AUNIP: variants seen among roughly 807,000 people sequenced by gnomAD.
The protein encoded by AUNIP is aurora kinase A and ninein interacting protein, also known as aurora kinase A- and ninein-interacting protein.
In AUNIP, 16 loss-of-function variants were observed where a neutral mutation model predicts 12.2. The ratio of observed to expected loss-of-function variants is 1.31; its 90% CI spans 0.88 to 1.99. AUNIP has a LOEUF of 1.99. Among genes scored for constraint, AUNIP ranks in the 30% most tolerant of loss-of-function variants. The pLI, the probability that AUNIP is intolerant of heterozygous loss-of-function variation, is 0.00. For synonymous variants in AUNIP, 142 were observed against 154.8 expected, an observed-to-expected ratio of 0.92 and a Z score of 0.61; for missense variants, 411 against 419.1, an observed-to-expected ratio of 0.98 and a Z score of 0.17.
chr1:25,847,868 C>T lies in AUNIP; in HGVS notation c.79-10314G>A, dbSNP rs1381595615. Among the ~76,000 whole-genome samples, 1 of 152,034 alleles carries T rather than the reference C, an allele frequency of 6.6e-6. No homozygotes were observed. The highest frequency in any genetic ancestry group is 1.5e-5 in the Non-Finnish European group (1 of 68,012). On this transcript the variant is annotated intron_variant, in intron 1 of 2. Transcript: ENST00000374298. This position sits in a 1 kb window ranked among gnomAD's most constrained non-coding sequence, Gnocchi z 4.2. ...GCTGAGGTGAGAGAATCGATTGAGCCCGGGAGGCAGAGGTTGCAGTGAGCC... is the reference window on the plus strand; with the variant it reads ...GCTGAGGTGAGAGAATCGATTGAGCTCGGGAGGCAGAGGTTGCAGTGAGCC...
At position 25,834,098 on chromosome 1, in the gene AUNIP, T is replaced by C. The variant is rs1000529224; in HGVS notation, c.*895A>G. The C allele has an allele frequency of 4.1e-6, 4 of 985,230 alleles. No homozygotes were observed. Among genetic ancestry groups the C allele is most frequent in the Non-Finnish European group, 4.8e-6 (4 of 829,860 alleles). The allele number at this position is 985,230 out of a possible 1,614,324, so 61.0% of individuals were successfully genotyped here. On this transcript the variant is annotated 3_prime_UTR_variant, in exon 3 of 3. Transcript: ENST00000374298. ...GGGTAACAGAGTCACATCCAGATTG[T>C]TGTACAGCTCAGGCTTTTTAAGGGA...
At chr1:25,832,133 G>A (rs2048252426), downstream of AUNIP, 1 of 1,590,048 alleles carries the variant, frequency 6.3e-7, no homozygotes, top group Non-Finnish European at 8.5e-7. Context: ...TTCTGCAACA[G>A]TCTTGCTGAC....
intron 1 of AUNIP, among the ~76,000 whole-genome samples, chr1:25,840,207 T>A (rs2048339364): frequency 6.6e-6 from 1 of 151,748 alleles, no homozygotes; most frequent in Admixed American, 6.6e-5. Flanking sequence ...ATGAACATAA[T>A]AAGGTGAGAA....
rs796849394 is a variant in AUNIP at position 25,837,638 on chromosome 1, C to A, written c.79-84G>T. ...AGATTCAGTACACACCAGTGATCCT[C>A]TGAGAACCACACTAGATCCTCTGTA... On this transcript the variant is annotated intron_variant, in intron 1 of 2. Transcript: ENST00000374298. 35 of 1,389,574 alleles carry A rather than the reference C, an allele frequency of 2.5e-5. No homozygotes were observed. In the African/African-American group the frequency reaches 4.6e-4, roughly 18 times the overall value. 86.1% of individuals were successfully genotyped at this position (1,389,574 alleles called of 1,614,324 possible).
chr1:25,837,020 T>C lies in AUNIP; in HGVS notation c.220+393A>G, dbSNP rs1391385931. Among the ~76,000 whole-genome samples the C allele has an allele frequency of 4.6e-5, 7 of 152,166 alleles. No individual in the cohort carries two copies. In the East Asian group the frequency reaches 1.3e-3, roughly 29 times the overall value. On this transcript the variant is annotated intron_variant, in intron 2 of 2. Coordinates refer to ENST00000374298, the MANE Select transcript of AUNIP (RefSeq NM_024037.3). ...AAGCATCTTTGAACCTTTCACTAAT[T>C]TGAGAAGCGTCACACAAAAGTATCA...
chr1:25,854,982 G>GGTCTCAC (rs1335729897), intron 1 of AUNIP, among the ~76,000 whole-genome samples: 1 of 145,080 alleles, frequency 6.9e-6, no homozygotes, highest in African/African-American at 2.6e-5. Flanking sequence ...TTTGAGATGG[G>GGTCTCAC]GTCTCACTCT....
At chr1:25,851,405 C>T (rs578074809) in intron 1 of AUNIP, among the ~76,000 whole-genome samples, 7 of 152,238 alleles carry the variant, frequency 4.6e-5, no homozygotes, top group Admixed American at 3.3e-4. Context: ...AGTGTTCCCT[C>T]CTCTTCTATT....
intron 1 of AUNIP, among the ~76,000 whole-genome samples, chr1:25,850,865 T>A (rs2048420094): frequency 6.6e-6 from 1 of 152,220 alleles, no homozygotes; most frequent in Non-Finnish European, 1.5e-5. Context: ...TCCTTTTTAA[T>A]CTGGGTATCT....
chr1:25,849,326 T>G (rs1045374258), intron 1 of AUNIP, among the ~76,000 whole-genome samples: 1 of 152,214 alleles, frequency 6.6e-6, no homozygotes, highest in African/African-American at 2.4e-5. Flanking sequence ...AGTATACTTA[T>G]GAAGTTGTGT....
rs2124493029 is a variant in AUNIP at position 25,834,834 on chromosome 1, G to A, written c.*159C>T. On this transcript the variant is annotated 3_prime_UTR_variant, in exon 3 of 3. Transcript: ENST00000374298. ...TGCCAATCCCACTGTCTTAACAATG[G>A]TACTGCCCTTTATTTACACAGAGAA... 6.8e-7 allele frequency: 1 copy of A among 1,461,954 alleles called. No homozygotes were observed. Among genetic ancestry groups the A allele is most frequent in the Admixed American group, 2.7e-5 (1 of 37,154 alleles). The allele number at this position is 1,461,954 out of a possible 1,614,324, so 90.6% of individuals were successfully genotyped here. A position where few individuals can be genotyped will look rare whatever the true frequency, so the allele number is the denominator to read the frequency against.
chr1:25,842,611 C>T (rs547342454), intron 1 of AUNIP, among the ~76,000 whole-genome samples: 69 of 152,318 alleles, frequency 4.5e-4, no homozygotes, highest in African/African-American at 1.3e-3. Context: ...CTCGGACTTC[C>T]GTAGCTACAG....
chr1:25,855,215 T>C (rs1407518301), intron 1 of AUNIP, among the ~76,000 whole-genome samples: 1 of 152,158 alleles, frequency 6.6e-6, no homozygotes, highest in Non-Finnish European at 1.5e-5. Context: ...TTCTATTCAT[T>C]GGAGTCACTA....
chr1:25,838,620 T>C (rs1174873864), intron 1 of AUNIP, among the ~76,000 whole-genome samples: 2 of 152,158 alleles, frequency 1.3e-5, no homozygotes, highest in Non-Finnish European at 2.9e-5. Context: ...GGAGGAGCAG[T>C]GGAACAGCAC....
At chr1:25,848,465 A>AAAGTT (rs60374075) in intron 1 of AUNIP, among the ~76,000 whole-genome samples, 1 of 133,468 alleles carries the variant, frequency 7.5e-6, no homozygotes. Flanking sequence ...CCGGGCAAAA[A>AAAGTT]TTTTTGAAAC....
intron 1 of AUNIP, among the ~76,000 whole-genome samples, chr1:25,840,912 C>T (rs2048343343): frequency 6.6e-6 from 1 of 152,144 alleles, no homozygotes; most frequent in South Asian, 2.1e-4. Context: ...AGACTTTCTG[C>T]TCCAGTAAAG....
chr1:25,832,049 AGT>A (rs750063229), downstream of AUNIP: 3 of 1,613,900 alleles, frequency 1.9e-6, no homozygotes, highest in Non-Finnish European at 2.5e-6. Context: ...CTGCAAACTC[AGT>A]CTCATGCTCC....
rs1018581680 is a variant in AUNIP at position 25,834,877 on chromosome 1, A to C, written c.*116T>G. On this transcript the variant is annotated 3_prime_UTR_variant, in exon 3 of 3. Transcript: ENST00000374298. ...ACAGAGAAGATGCTCAGTAATGACA[A>C]CTTCATCCCATGCCACCTTCCCACC... 15 of 1,511,626 alleles carry C rather than the reference A, an allele frequency of 9.9e-6. No individual in the cohort carries two copies. The South Asian group carries it at 1.9e-4, about 19-fold the overall frequency. The allele number at this position is 1,511,626 out of a possible 1,614,324, so 93.6% of individuals were successfully genotyped here.
rs2048293182 is a variant in AUNIP at position 25,835,497 on chromosome 1, T to C, written c.570A>G (p.Glu190=). 6.2e-7 allele frequency: 1 copy of C among 1,614,144 alleles called. No homozygotes were observed. Among genetic ancestry groups the C allele is most frequent in the Non-Finnish European group, 8.5e-7 (1 of 1,180,060 alleles). The part of the protein sequence containing the change: ...ESSCLLDRKE[E]KGDSARKWEW... Reference sequence around the variant, plus strand: ...CCCATTTCCTGGCAGAATCCCCTTTTTCTTCCTTTCGGTCTAGCAAACAAG... The same window carrying C: ...CCCATTTCCTGGCAGAATCCCCTTTCTCTTCCTTTCGGTCTAGCAAACAAG... Residue 190 remains glutamate (E), a synonymous_variant, in exon 3 of 3, where the codon GAA becomes GAG. Transcript: ENST00000374298.
At chr1:25,854,749 A>C (rs2048448811) in intron 1 of AUNIP, among the ~76,000 whole-genome samples, 1 of 152,144 alleles carries the variant, frequency 6.6e-6, no homozygotes, top group Admixed American at 6.5e-5. Context: ...GGTTGCATTC[A>C]AAATATCAAC....
Sources: gnomAD v4.1 joint callset for allele counts (sites outside exome capture counted in the v4.1 genomes callset) on GRCh38, gnomAD v4.1.1 for gene constraint, Gnocchi (gnomAD v3.1) non-coding constraint, MANE v1.5 for transcripts, NCBI Gene and HGNC (gene_info 2026-07-23, HGNC 2026-07-21) for gene names.